ZNF385D: variants seen among roughly 807,000 people sequenced by gnomAD.
ZNF385D encodes zinc finger protein 385D.
A neutral mutation model predicts 35.8 loss-of-function variants in ZNF385D; 15 were observed. The observed-to-expected ratio is 0.42, with a 90% CI of 0.28 to 0.64. The LOEUF (loss-of-function observed/expected upper bound fraction) is 0.64, where lower values mean the gene tolerates loss of function less well. ZNF385D is among the 30% of genes least tolerant of loss of function. The pLI is 0.23. For missense variants in ZNF385D, 474 were observed against 494.6 expected (o/e 0.96, Z 0.39); for synonymous variants, 212 against 186.8 (o/e 1.13, Z -1.10).
At chr3:22,218,628 T>C (rs1346617896) in intron 2 of ZNF385D, among the ~76,000 whole-genome samples, 2 of 152,124 alleles carry the variant, frequency 1.3e-5, no homozygotes, top group Non-Finnish European at 2.9e-5. Context: ...TTAGAATCTT[T>C]TTCTTGTTCC....
At position 21,895,851 on chromosome 3, in the gene ZNF385D, G is replaced by A. The variant is rs147552697; in HGVS notation, c.326-230823C>T. Among the ~76,000 whole-genome samples the A allele has an allele frequency of 3.3e-3, 503 of 152,226 alleles. 5 individuals are homozygous for A. Among genetic ancestry groups the A allele is most frequent in the African/African-American group, 0.011 (476 of 41,548 alleles). On this transcript the variant is annotated intron_variant, in intron 3 of 5. Coordinates refer to the ZNF385D transcript ENST00000494108. The stretch of plus-strand genomic sequence containing the variant: ...GTCAAGGGATGTTAAGATCTTGGAC[G>A]TATGGCAGGGAAAGGAAAAAGAGTC...
intron 2 of ZNF385D, among the ~76,000 whole-genome samples, chr3:21,621,385 G>A (rs1364369475): frequency 1.3e-5 from 2 of 152,076 alleles, no homozygotes; most frequent in Admixed American, 1.3e-4. Context: ...ATAGTTCATG[G>A]TGGGGAAAAA....
chr3:22,087,007 C>G (rs796742075), intron 3 of ZNF385D, among the ~76,000 whole-genome samples: 1 of 152,002 alleles, frequency 6.6e-6, no homozygotes, highest in Non-Finnish European at 1.5e-5. Flanking sequence ...GGGTGCAGGA[C>G]GCCAACATGG....
chr3:22,256,756 T>C (rs1038008187), intron 2 of ZNF385D, among the ~76,000 whole-genome samples: 5 of 151,892 alleles, frequency 3.3e-5, no homozygotes, highest in Admixed American at 6.6e-5. Flanking sequence ...TACTAATATA[T>C]TAATGACTGC....
intron 3 of ZNF385D, among the ~76,000 whole-genome samples, chr3:21,528,888 G>A (rs1413043398): frequency 3.3e-5 from 5 of 152,136 alleles, no homozygotes; most frequent in African/African-American, 1.2e-4. Context: ...TTGTCTAAAT[G>A]AAGCATCAAA....
intron 4 of ZNF385D, among the ~76,000 whole-genome samples, chr3:21,485,686 A>C (rs1704976685): frequency 1.3e-5 from 2 of 152,098 alleles, no homozygotes; most frequent in Non-Finnish European, 2.9e-5. Flanking sequence ...AATAATGATC[A>C]TAATAAATAG....
intron 3 of ZNF385D, among the ~76,000 whole-genome samples, chr3:21,973,289 T>C (rs1703382703): frequency 6.6e-6 from 1 of 151,978 alleles, no homozygotes; most frequent in African/African-American, 2.4e-5. Flanking sequence ...ATGTGATATC[T>C]TATATCAGTA....
At chr3:21,982,526 C>A (rs1258538635) in intron 3 of ZNF385D, among the ~76,000 whole-genome samples, 1 of 152,256 alleles carries the variant, frequency 6.6e-6, no homozygotes, top group East Asian at 1.9e-4. Flanking sequence ...ATGTTGTCTG[C>A]AAACAGAAAT....
At chr3:21,855,269 A>T (rs3849558) in intron 3 of ZNF385D, among the ~76,000 whole-genome samples, 28,757 of 151,850 alleles carry the variant, frequency 0.19, 2,878 homozygotes, top group Admixed American at 0.24. Flanking sequence ...TTAGCTGATA[A>T]AAAAAATTTT....
At chr3:22,136,049 A>C (rs114333632) in intron 3 of ZNF385D, among the ~76,000 whole-genome samples, 1,851 of 152,248 alleles carry the variant, frequency 0.012, 30 homozygotes, top group African/African-American at 0.035. Context: ...CTTGTGACCT[A>C]GCGTTAGTGA....
intron 3 of ZNF385D, among the ~76,000 whole-genome samples, chr3:21,873,179 T>G (rs1427292724): frequency 6.6e-6 from 1 of 152,156 alleles, no homozygotes; most frequent in Non-Finnish European, 1.5e-5. Context: ...AGCTATGGAT[T>G]TGATATATGA....
intron 2 of ZNF385D, among the ~76,000 whole-genome samples, chr3:21,620,665 A>G (rs949251099): frequency 6.6e-6 from 1 of 152,042 alleles, no homozygotes; most frequent in Non-Finnish European, 1.5e-5. Flanking sequence ...CCCTTAATCT[A>G]TTTGATTCTG....
At chr3:21,670,229 C>T (rs2066523305) in intron 1 of ZNF385D, among the ~76,000 whole-genome samples, 1 of 151,848 alleles carries the variant, frequency 6.6e-6, no homozygotes, top group African/African-American at 2.4e-5. Flanking sequence ...ACATCATCAA[C>T]TTATCTGTAT....
chr3:22,337,765 GAATTTCAAA>G (rs1223094567), intron 2 of ZNF385D, among the ~76,000 whole-genome samples: 1 of 152,086 alleles, frequency 6.6e-6, no homozygotes, highest in Admixed American at 6.5e-5. Flanking sequence ...TGTTTTCATA[GAATTTCAAA>G]AGGGCAGGAA....
chr3:21,563,359 T>TAC (rs1440993482), intron 3 of ZNF385D: 1 of 152,272 alleles, frequency 6.6e-6, no homozygotes, highest in Admixed American at 6.5e-5. Context: ...CAGTTTATGG[T>TAC]ACTTTGTTTT....
intron 3 of ZNF385D, among the ~76,000 whole-genome samples, chr3:22,146,762 A>G (rs1490344652): frequency 6.6e-6 from 1 of 152,188 alleles, no homozygotes; most frequent in Non-Finnish European, 1.5e-5. Flanking sequence ...AATCAATAGA[A>G]TTACATTAAT....
intron 2 of ZNF385D, among the ~76,000 whole-genome samples, chr3:22,340,575 C>T (rs967299994): frequency 5.3e-5 from 8 of 151,988 alleles, no homozygotes; most frequent in African/African-American, 1.9e-4. Flanking sequence ...GAACCTGGGA[C>T]GTGGAGGTTG....
intron 3 of ZNF385D, among the ~76,000 whole-genome samples, chr3:21,541,360 G>A (rs1162238395): frequency 1.3e-5 from 2 of 152,164 alleles, no homozygotes; most frequent in Non-Finnish European, 2.9e-5. Flanking sequence ...ATACTACTGT[G>A]AGCCTCAAAC....
chr3:21,577,812 CTTTTTTTT>C (rs779083360), intron 2 of ZNF385D, among the ~76,000 whole-genome samples: 1 of 133,570 alleles, frequency 7.5e-6, no homozygotes, highest in Non-Finnish European at 1.6e-5. Flanking sequence ...TATTTTTTTT[CTTTTTTTT>C]TTTTTTCGAG....
Sources: allele counts gnomAD v4.1 joint callset (sites outside exome capture counted in the v4.1 genomes callset), GRCh38; gene constraint gnomAD v4.1.1; transcripts MANE v1.5; gene names NCBI Gene and HGNC (gene_info 2026-07-23, HGNC 2026-07-21).